The following IRS4 variants were observed in gnomAD, a reference collection of about 807,000 sequenced individuals.
The protein encoded by IRS4 is insulin receptor substrate 4.
IRS4 carries 15 observed loss-of-function variants against 48.6 expected under a neutral mutation model. The ratio of observed to expected loss-of-function variants is 0.31; its 90% CI spans 0.21 to 0.48. The LOEUF is 0.48. Among genes scored for constraint, IRS4 ranks in the 20% least tolerant of loss-of-function variants. IRS4 has a pLI of 0.99. For synonymous variants in IRS4, 459 were observed against 413.2 expected (o/e 1.11, Z -1.34); for missense variants, 987 against 1,023.4 (o/e 0.96, Z 0.49).
intron 1 of IRS4, among the ~76,000 whole-genome samples, chrX:108,727,590 G>A (rs144134052): frequency 0.015 from 1,707 of 112,032 alleles, 74 homozygotes; most frequent in East Asian, 0.14. Context: ...ACCAAGCAAC[G>A]TTTTCTAGTA....
At chrX:108,731,141 G>A (rs1193159385) in intron 1 of IRS4, among the ~76,000 whole-genome samples, 3 of 110,410 alleles carry the variant, frequency 2.7e-5, no homozygotes, top group Non-Finnish European at 5.7e-5. Context: ...TTGTTTTAAT[G>A]ATCACTCTTT....
At chrX:108,731,739 A>C (rs2148016110) in intron 1 of IRS4, among the ~76,000 whole-genome samples, 1 of 111,843 alleles carries the variant, frequency 8.9e-6, no homozygotes, top group African/African-American at 3.2e-5. Flanking sequence ...CTGCTTTTTA[A>C]ACCTTTGAAA....
At position 108,721,546 on chromosome X, in the gene IRS4, C is replaced by T. The variant is rs191509611; in HGVS notation, c.*973G>A. On this transcript the variant is annotated 3_prime_UTR_variant, in exon 2 of 2. Transcript: ENST00000372129. ...TTTCTTGAATATGGGAAATTGATCTCTTTATAGTAGCCATGGGCATAAGAG... is the reference window on the plus strand; with the variant it reads ...TTTCTTGAATATGGGAAATTGATCTTTTTATAGTAGCCATGGGCATAAGAG... 1 of 110,686 alleles carries T rather than the reference C, an allele frequency of 9.0e-6. No individual in the cohort carries two copies. Among genetic ancestry groups the T allele is most frequent in the East Asian group, 2.8e-4 (1 of 3,545 alleles). The allele number at this position is 110,686 out of a possible 1,213,427, so 9.1% of individuals were successfully genotyped here. A position where few individuals can be genotyped will look rare whatever the true frequency, so the allele number is the denominator to read the frequency against.
Position 108,734,941 on chromosome X carries a change from A to G in IRS4, c.1404T>C (p.Phe468=), listed in dbSNP as rs745657679. The G allele has an allele frequency of 2.5e-6, 3 of 1,211,985 alleles. No homozygotes were observed. Among genetic ancestry groups the G allele is most frequent in the Non-Finnish European group, 3.3e-6 (3 of 895,616 alleles). The change falls in exon 1 of 2, where the codon TTT becomes TTC. Residue 468 remains phenylalanine, a synonymous_variant. Coordinates refer to ENST00000372129, the MANE Select transcript of IRS4 (RefSeq NM_001379150.1). ...TGCCCTGGGGATTGCCTTCCTCCCCAAAGTTGCCAGAGCCAGAACCAGACA... is the reference window on the plus strand; with the variant it reads ...TGCCCTGGGGATTGCCTTCCTCCCCGAAGTTGCCAGAGCCAGAACCAGACA... ...SEVSGSGSGN[F]GEEGNPQGKE...
At position 108,734,226 on chromosome X, in the gene IRS4, C is replaced by A. The variant is rs1223354741; in HGVS notation, c.2119G>T (p.Val707Leu). The A allele has an allele frequency of 2.5e-6, 3 of 1,208,944 alleles. No homozygotes were observed. Among genetic ancestry groups the A allele is most frequent in the Non-Finnish European group, 3.4e-6 (3 of 894,929 alleles). ...CTGGAGCTTACAAGAGGGGTGGCCA[C>A]CCCTGGCCTCATTGGCACGTATGGG... ...DDPYVPMRPGVATPLVSSSDY... is the reference protein window; with the variant it reads ...DDPYVPMRPGLATPLVSSSDY... The change falls in exon 1 of 2, where the codon GTG (valine) becomes TTG (leucine). Residue 707 changes from valine (V) to leucine (L), a missense_variant. Physicochemically the swap from Val to Leu is conservative, Grantham distance 32. Around this residue, in one of 4 missense-constraint regions of IRS4, gnomAD observed 720 missense variants for 660.3 expected, o/e 1.09. Transcript: ENST00000372129.
rs1309450223 is a variant in IRS4, at chrX:108,732,642, C to T, written c.3703G>A (p.Asp1235Asn). 5.8e-6 allele frequency: 7 copies of T among 1,209,919 alleles called. No individual in the cohort carries two copies. The highest frequency in any genetic ancestry group is 6.7e-6 in the Non-Finnish European group (6 of 895,231). ...AAATCCATTCTCACGTGAGTGTCGT[C>T]GTCGTTGTCAGAATCTTCTCTCTCC... ...PPEREDSDND[D>N]DTHVRMDFAR... The change falls in exon 1 of 2, where the codon GAC becomes AAC. Residue 1235 changes from aspartate (D) to asparagine (N), a missense_variant. Asp to Asn is a conservative substitution (Grantham distance 23). This residue lies in a region of IRS4 where 720 missense variants were observed against 660.3 expected (regional missense o/e 1.09). Coordinates refer to ENST00000372129, the MANE Select transcript of IRS4 (RefSeq NM_001379150.1).
rs902955518 is a variant in IRS4, at chrX:108,733,597, G to T, written c.2748C>A (p.Asp916Glu). Residue 916 changes from aspartate to glutamate, a missense_variant, in exon 1 of 2, where the codon GAC becomes GAA. Asp to Glu is a conservative substitution (Grantham distance 45, BLOSUM62 2). Transcript: ENST00000372129. ...QKPTHEQREA[D>E]SSSDYVNMDF... Reference sequence around the variant, plus strand: ...CCATGTTGACGTAGTCACTAGAGCTGTCAGCTTCTCTCTGCTCATGTGTGG... The same window carrying T: ...CCATGTTGACGTAGTCACTAGAGCTTTCAGCTTCTCTCTGCTCATGTGTGG... The T allele has an allele frequency of 8.2e-7, 1 of 1,212,171 alleles. No individual in the cohort carries two copies. The highest frequency in any genetic ancestry group is 3.0e-5 in the East Asian group (1 of 33,860).
rs182112438 is a variant in IRS4, at chrX:108,728,353, T to C, written c.3766+4226A>G. 1.0e-3 allele frequency among the ~76,000 whole-genome samples: 117 copies of C among 112,505 alleles called. 4 individuals are homozygous for C. The East Asian group carries it at 0.031, about 30-fold the overall frequency. ...AATTACTTACAACAAAATTTGCTAC[T>C]ATCAAGTGAAAGCAAACTTGTAATT... On this transcript the variant is annotated intron_variant, in intron 1 of 1. Transcript: ENST00000372129.
chrX:108,727,832 A>G (rs2068882648), intron 1 of IRS4, among the ~76,000 whole-genome samples: 1 of 112,154 alleles, frequency 8.9e-6, no homozygotes, highest in Non-Finnish European at 1.9e-5. Flanking sequence ...TCTAAAATCT[A>G]CTTGCCTGAC....
At position 108,722,459 on chromosome X, in the gene IRS4, C is replaced by T. The variant is rs1382542319; in HGVS notation, c.*60G>A. ...TTCCTTTAGGCAGATCTGGAGTAGACGAAGATAAAATTCCATAAGCATCAC... is the reference window on the plus strand; with the variant it reads ...TTCCTTTAGGCAGATCTGGAGTAGATGAAGATAAAATTCCATAAGCATCAC... On this transcript the variant is annotated 3_prime_UTR_variant, in exon 2 of 2. Coordinates refer to ENST00000372129, the MANE Select transcript of IRS4 (RefSeq NM_001379150.1). The T allele has an allele frequency of 9.4e-6, 3 of 318,016 alleles. No homozygotes were observed. Among genetic ancestry groups the T allele is most frequent in the Middle Eastern group, 4.5e-4 (1 of 2,207 alleles). 26.2% of individuals were successfully genotyped at this position (318,016 alleles called of 1,213,427 possible). A position where few individuals can be genotyped will look rare whatever the true frequency, so the allele number is the denominator to read the frequency against.
intron 1 of IRS4, chrX:108,723,331 T>A (rs748685883): frequency 2.7e-4 from 30 of 112,143 alleles, no homozygotes; most frequent in Non-Finnish European, 4.5e-4. Flanking sequence ...ATATACATTT[T>A]AAGTATTCAT....
Position 108,734,453 on chromosome X carries a change from G to A in IRS4, c.1892C>T (p.Pro631Leu), listed in dbSNP as rs771528101. The A allele has an allele frequency of 9.9e-6, 12 of 1,209,799 alleles. No individual in the cohort carries two copies. The South Asian group carries it at 2.1e-4, about 21-fold the overall frequency. ...TGGTGGGGGTGGAGGAGGAGGTGGTGGAGGTGGTGGCATTTGCTGTTGCTT... is the reference window on the plus strand; with the variant it reads ...TGGTGGGGGTGGAGGAGGAGGTGGTAGAGGTGGTGGCATTTGCTGTTGCTT... The part of the protein sequence containing the change: ...QSKQQQMPPP[P>L]PPPPPPPPAG... The change falls in exon 1 of 2, where the codon CCA becomes CTA. Residue 631 changes from proline to leucine, a missense_variant. By Grantham distance (98) the Pro-to-Leu change is moderately conservative (BLOSUM62 -3). Around this residue, in one of 4 missense-constraint regions of IRS4, gnomAD observed 720 missense variants for 660.3 expected, o/e 1.09. Coordinates refer to ENST00000372129, the MANE Select transcript of IRS4 (RefSeq NM_001379150.1).
At chrX:108,724,050 A>T (rs1330521286) in intron 1 of IRS4, 1 of 112,464 alleles carries the variant, frequency 8.9e-6, no homozygotes, top group African/African-American at 3.2e-5. Flanking sequence ...AAATATTTTC[A>T]TATGTCCATA....
rs930573314 is a variant in IRS4, at chrX:108,720,820, A to G, written c.*1699T>C. 1 of 111,980 alleles carries G rather than the reference A, an allele frequency of 8.9e-6. No individual in the cohort carries two copies. Among genetic ancestry groups the G allele is most frequent in the African/African-American group, 3.2e-5 (1 of 30,806 alleles). 9.2% of individuals were successfully genotyped at this position (111,980 alleles called of 1,213,427 possible). ...TGGAACAATGACTGATCTCATAGCC[A>G]CGTCCTCTCCTCAGCACAATTTACA... is the stretch of plus-strand genomic sequence containing the variant. On this transcript the variant is annotated 3_prime_UTR_variant, in exon 2 of 2. Coordinates refer to ENST00000372129, the MANE Select transcript of IRS4 (RefSeq NM_001379150.1).
rs375504290 is a variant in IRS4 at position 108,735,047 on chromosome X, A to G, written c.1298T>C (p.Phe433Ser). 3 of 1,210,112 alleles carry G rather than the reference A, an allele frequency of 2.5e-6. No homozygotes were observed. The African/African-American group carries it at 5.2e-5, about 21-fold the overall frequency. The change falls in exon 1 of 2, where the codon TTT becomes TCT. Residue 433 changes from phenylalanine (F) to serine (S), a missense_variant. By Grantham distance (155) the Phe-to-Ser change is radical (BLOSUM62 -2). Coordinates refer to ENST00000372129, the MANE Select transcript of IRS4 (RefSeq NM_001379150.1). ...RRAVSVPASF[F>S]RRLAPSPARP... ...TGCTGGGCTGGGTGCTAAGCGGCGAAAAAAGCTGGCCGGCACTGAAACCGC... is the reference window on the plus strand; with the variant it reads ...TGCTGGGCTGGGTGCTAAGCGGCGAGAAAAGCTGGCCGGCACTGAAACCGC...
rs1364049040 is a variant in IRS4 at position 108,734,819 on chromosome X, C to A, written c.1526G>T (p.Gly509Val). 1 of 1,211,398 alleles carries A rather than the reference C, an allele frequency of 8.3e-7. No individual in the cohort carries two copies. Among genetic ancestry groups the A allele is most frequent in the Non-Finnish European group, 1.1e-6 (1 of 895,398 alleles). The change falls in exon 1 of 2, where the codon GGC becomes GTC. Residue 509 changes from glycine (G) to valine (V), a missense_variant. Around this residue, in one of 4 missense-constraint regions of IRS4, gnomAD observed 720 missense variants for 660.3 expected, o/e 1.09. Coordinates refer to ENST00000372129, the MANE Select transcript of IRS4 (RefSeq NM_001379150.1). ...RGSGGGQGSN[G>V]QGSSSHSSGG... The stretch of plus-strand genomic sequence containing the variant: ...CGAGCTATGGCTACTGGAGCCTTGG[C>A]CATTTGAGCCCTGGCCACCTCCTGA...
In IRS4 at chrX:108,735,820, T is replaced by C; in HGVS notation, c.525A>G (p.Glu175=). ...CGTTCTCGGCCACCATCGCGAAGTA[T>C]TCGTCTTGGGTGAAAAGAGCAATGA... is the stretch of plus-strand genomic sequence containing the variant. ...RHLIALFTQD[E]YFAMVAENES... is the part of the protein sequence containing the mutation. The change falls in exon 1 of 2, where the codon GAA becomes GAG. Residue 175 remains glutamate (E), a synonymous_variant. Transcript: ENST00000372129. 1 of 1,208,923 alleles carries C rather than the reference T, an allele frequency of 8.3e-7. No individual in the cohort carries two copies. The highest frequency in any genetic ancestry group is 1.1e-6 in the Non-Finnish European group (1 of 894,457).
intron 1 of IRS4, chrX:108,723,420 A>G (rs991085268): frequency 8.9e-6 from 1 of 112,011 alleles, no homozygotes; most frequent in African/African-American, 3.2e-5. Flanking sequence ...CAGTGGCATC[A>G]TTATGGCTCA....
Position 108,735,942 on chromosome X carries a change from C to T in IRS4, c.403G>A (p.Gly135Ser), listed in dbSNP as rs1169106277. Residue 135 changes from glycine (G) to serine (S), a missense_variant, in exon 1 of 2, where the codon GGC (glycine) becomes AGC (serine). By Grantham distance (56) the Gly-to-Ser change is moderately conservative (BLOSUM62 0). This residue lies in a region of IRS4 where 173 missense variants were observed against 208.9 expected (regional missense o/e 0.83). Coordinates refer to ENST00000372129, the MANE Select transcript of IRS4 (RefSeq NM_001379150.1). ...GGAATGAGCGGGGGGATCGCGGCGC[C>T]AGAGGCGGCCGCCGCTGCTGCAGCC... ...AAAAAAAAAS[G>S]AAIPPLIPPR... 1 of 1,200,779 alleles carries T rather than the reference C, an allele frequency of 8.3e-7. No homozygotes were observed. Among genetic ancestry groups the T allele is most frequent in the Non-Finnish European group, 1.1e-6 (1 of 891,137 alleles).
Sources: gnomAD v4.1 joint callset for allele counts (sites outside exome capture counted in the v4.1 genomes callset) on GRCh38, gnomAD v4.1.1 for gene constraint, gnomAD v4.1.1 regional missense constraint, MANE v1.5 for transcripts, NCBI Gene and HGNC (gene_info 2026-07-23, HGNC 2026-07-21) for gene names.